The following DYNLL1 variants were observed in gnomAD, a reference collection of about 807,000 sequenced individuals.
The protein encoded by DYNLL1 is dynein light chain 1, cytoplasmic.
DYNLL1 carries 3 observed loss-of-function variants against 10.1 expected under a neutral mutation model. That is an observed-to-expected ratio of 0.30 (90% CI 0.14 to 0.77). DYNLL1 has a LOEUF of 0.77. Among genes scored for constraint, DYNLL1 ranks in the 30% least tolerant of loss-of-function variants. The pLI, the probability that DYNLL1 is intolerant of heterozygous loss-of-function variation, is 0.66. For missense variants in DYNLL1, 47 were observed against 111.7 expected, an observed-to-expected ratio of 0.42 and a Z score of 2.61; for synonymous variants, 46 against 41.2, an observed-to-expected ratio of 1.12 and a Z score of -0.45.
chr12:120,470,637 T>C (rs182651665), intron 1 of DYNLL1, among the ~76,000 whole-genome samples: 84 of 152,258 alleles, frequency 5.5e-4, no homozygotes, highest in African/African-American at 1.8e-3. Context: ...TTCTATTTTT[T>C]TTGTAGAGAG....
intron 1 of DYNLL1, among the ~76,000 whole-genome samples, chr12:120,476,812 A>T (rs1878763198): frequency 1.3e-5 from 2 of 152,096 alleles, no homozygotes; most frequent in Admixed American, 1.3e-4. Flanking sequence ...GGATTTCTCC[A>T]TGTTGGTCAG....
chr12:120,491,775 C>T (rs1473629241), upstream of DYNLL1: 1 of 152,202 alleles, frequency 6.6e-6, no homozygotes, highest in African/African-American at 2.4e-5. Flanking sequence ...TGATTCTGTC[C>T]AAGGAAGATC....
At chr12:120,497,031 C>A in intron 2 of DYNLL1, 1 of 232,528 alleles carries the variant, frequency 4.3e-6, no homozygotes, top group Non-Finnish European at 8.4e-6. Context: ...GGACTGCCAA[C>A]TTCTCGAGCA....
chr12:120,498,031 C>G, intron 2 of DYNLL1, 42 bp from the exon 3 acceptor site: 1 of 1,595,822 alleles, frequency 6.3e-7, no homozygotes. Context: ...ACACTGACCT[C>G]TGGTAATTAA....
intron 1 of DYNLL1, among the ~76,000 whole-genome samples, chr12:120,485,621 C>CT (rs373225697): frequency 1.6e-4 from 25 of 151,978 alleles, no homozygotes; most frequent in African/African-American, 5.5e-4. Context: ...GGGAGGATTG[C>CT]TTGAGCCCAG....
intron 1 of DYNLL1, chr12:120,490,333 C>A (rs1262365481): frequency 1.3e-5 from 2 of 152,192 alleles, no homozygotes; most frequent in Non-Finnish European, 2.9e-5. Flanking sequence ...TACCAACTAC[C>A]TATTTTCTTG....
chr12:120,494,140 A>G (rs975903340), upstream of DYNLL1, among the ~76,000 whole-genome samples: 3 of 151,874 alleles, frequency 2.0e-5, no homozygotes, highest in South Asian at 6.2e-4. Context: ...TTGTCAACCT[A>G]TTTCTTCCTC....
chr12:120,472,133 G>C (rs867714183), intron 1 of DYNLL1, among the ~76,000 whole-genome samples: 2 of 151,926 alleles, frequency 1.3e-5, no homozygotes, highest in African/African-American at 4.8e-5. Context: ...AATTGAAAGT[G>C]GTGTTTAATG....
chr12:120,477,382 A>C (rs983582422), intron 1 of DYNLL1, among the ~76,000 whole-genome samples: 1 of 152,150 alleles, frequency 6.6e-6, no homozygotes, highest in Non-Finnish European at 1.5e-5. Context: ...GAGCCATAGA[A>C]CATTGAGCCT....
At chr12:120,489,386 T>G (rs537249386) in intron 1 of DYNLL1, among the ~76,000 whole-genome samples, 1 of 152,372 alleles carries the variant, frequency 6.6e-6, no homozygotes, top group Non-Finnish European at 1.5e-5. Context: ...ATTCTTCTCA[T>G]TGTTCAGCTC....
At chr12:120,493,549 A>C (rs567035045), upstream of DYNLL1, among the ~76,000 whole-genome samples, 33 of 151,876 alleles carry the variant, frequency 2.2e-4, no homozygotes, top group African/African-American at 7.0e-4. Flanking sequence ...CTTATTTAAA[A>C]AATAAAGGGA....
intron 1 of DYNLL1, among the ~76,000 whole-genome samples, chr12:120,470,459 C>A (rs1352819356): frequency 6.6e-6 from 1 of 152,078 alleles, no homozygotes; most frequent in Non-Finnish European, 1.5e-5. Flanking sequence ...TGAGGCCTTG[C>A]ACCAGAAGAC....
At chr12:120,479,834 G>C (rs1208726484) in intron 1 of DYNLL1, among the ~76,000 whole-genome samples, 1 of 152,174 alleles carries the variant, frequency 6.6e-6, no homozygotes, top group Non-Finnish European at 1.5e-5. Flanking sequence ...CTTACAGTGA[G>C]ATGCCCTAAT....
chr12:120,469,884 A>G (rs902113448), exon 1 of DYNLL1: 12 of 234,678 alleles, frequency 5.1e-5, no homozygotes, highest in Non-Finnish European at 8.2e-5. Context: ...GGCCGTGTGG[A>G]TGCCATCCCC....
intron 1 of DYNLL1, among the ~76,000 whole-genome samples, chr12:120,472,773 T>C (rs1878677686): frequency 6.6e-6 from 1 of 152,032 alleles, no homozygotes; most frequent in African/African-American, 2.4e-5. Flanking sequence ...CAGCAGAAAA[T>C]GTAGGGATGT....
rs188642934 is a variant in DYNLL1, at chr12:120,487,637, G to C, written c.-6-8779G>C. On this transcript the variant is annotated intron_variant, in intron 1 of 2. Transcript: ENST00000392509. ...GACTTCTATACACACTTCACAAAAG[G>C]GGGTGGGCTAGCTTGAAGCAAGCTT... 1.8e-4 allele frequency among the ~76,000 whole-genome samples: 27 copies of C among 152,224 alleles called. No homozygotes were observed. The East Asian group carries it at 3.5e-3, about 20-fold the overall frequency.
chr12:120,496,629 C>T, intron 2 of DYNLL1, 76 bp downstream of exon 2: 1 of 1,612,040 alleles, frequency 6.2e-7, no homozygotes, highest in East Asian at 2.2e-5. Flanking sequence ...TTCCTAAGGG[C>T]GCCTGACAGG....
At chr12:120,486,145 CA>C in intron 1 of DYNLL1, among the ~76,000 whole-genome samples, 1 of 152,210 alleles carries the variant, frequency 6.6e-6, no homozygotes, top group South Asian at 2.1e-4. Context: ...TGGCTGCACT[CA>C]TTACATTATT....
chr12:120,477,528 C>T (rs1327306037), intron 1 of DYNLL1, among the ~76,000 whole-genome samples: 2 of 151,908 alleles, frequency 1.3e-5, no homozygotes, highest in East Asian at 3.9e-4. Context: ...ACTCTGGGAA[C>T]TCGCTTGAGC....
Sources: gnomAD v4.1 joint callset for allele counts (sites outside exome capture counted in the v4.1 genomes callset) on GRCh38, gnomAD v4.1.1 for gene constraint, MANE v1.5 for transcripts, NCBI Gene and HGNC (gene_info 2026-07-23, HGNC 2026-07-21) for gene names.